Variants in COP1 observed in about 807,000 individuals in gnomAD.
The protein encoded by COP1 is COP1 E3 ubiquitin ligase, also known as E3 ubiquitin-protein ligase COP1.
In COP1, 24 loss-of-function variants were observed where a neutral mutation model predicts 101.3. The observed-to-expected ratio is 0.24, with a 90% CI of 0.17 to 0.33. The LOEUF (loss-of-function observed/expected upper bound fraction) is 0.33. COP1 is among the 10% of genes least tolerant of loss of function. COP1 has a pLI of 1.00. For missense variants in COP1, 663 were observed against 906.2 expected (o/e 0.73, Z 3.45); for synonymous variants, 347 against 341.9 (o/e 1.01, Z -0.17).
At chr1:176,093,885 T>C (rs1468564366) in intron 9 of COP1, among the ~76,000 whole-genome samples, 1 of 151,782 alleles carries the variant, frequency 6.6e-6, no homozygotes, top group Non-Finnish European at 1.5e-5. Context: ...TAGCTGGGCA[T>C]GGTGGCGCAC....
At chr1:175,967,220 C>T (rs1161349364) in intron 18 of COP1, among the ~76,000 whole-genome samples, 1 of 152,162 alleles carries the variant, frequency 6.6e-6, no homozygotes, top group African/African-American at 2.4e-5. Flanking sequence ...TAAATAAACC[C>T]AGGCTGGTAT....
At position 176,135,672 on chromosome 1, in the gene COP1, A is replaced by C. The variant is rs147950484; in HGVS notation, c.892-586T>G. ...AATAGGCCTAATCAACCATTATATA[A>C]ATTTTCTCTCTCACACTGACAACCT... On this transcript the variant is annotated intron_variant, in intron 7 of 19. Coordinates refer to ENST00000367669, the MANE Select transcript of COP1 (RefSeq NM_022457.7). 2.6e-3 allele frequency among the ~76,000 whole-genome samples: 400 copies of C among 152,152 alleles called. 3 individuals carry two copies. The highest frequency in any genetic ancestry group is 9.2e-3 in the African/African-American group (382 of 41,552).
chr1:175,988,800 T>C (rs1657738271), intron 16 of COP1: 1 of 160,306 alleles, frequency 6.2e-6, no homozygotes, highest in African/African-American at 2.4e-5. Flanking sequence ...ACCACTGCAC[T>C]CCAGCCTGGG....
intron 8 of COP1, among the ~76,000 whole-genome samples, chr1:176,128,133 T>C (rs1035058255): frequency 1.5e-4 from 23 of 152,112 alleles, no homozygotes; most frequent in African/African-American, 5.3e-4. Flanking sequence ...CATTAGCACC[T>C]AATCCAATAT....
intron 8 of COP1, among the ~76,000 whole-genome samples, chr1:176,126,468 T>G (rs990497799): frequency 1.3e-5 from 2 of 152,028 alleles, no homozygotes. Flanking sequence ...TTTCTTTTCT[T>G]TTTTTTTGAG....
In COP1 at chr1:176,043,868, G is replaced by A. The variant is rs552863277; in HGVS notation, c.1422-50C>T. ...ACTTTACATAAAAATAAATAACAAT[G>A]GGATAAAAATAATTTTAATGTGTTC... On this transcript the variant is annotated intron_variant, in intron 12 of 19. Transcript: ENST00000367669. 10 of 1,045,096 alleles carry A rather than the reference G, an allele frequency of 9.6e-6. No individual in the cohort carries two copies. The African/African-American group carries it at 1.1e-4, about 12-fold the overall frequency. The allele number at this position is 1,045,096 out of a possible 1,614,324, so 64.7% of individuals were successfully genotyped here.
chr1:176,082,746 A>C (rs1466096371), intron 10 of COP1, among the ~76,000 whole-genome samples: 3 of 152,062 alleles, frequency 2.0e-5, no homozygotes, highest in Non-Finnish European at 2.9e-5. Context: ...TGGAGGTTGC[A>C]GTGAGCCAAG....
chr1:176,071,952 TAGA>T (rs1293686834), intron 11 of COP1, among the ~76,000 whole-genome samples: 3 of 152,196 alleles, frequency 2.0e-5, no homozygotes, highest in Non-Finnish European at 2.9e-5. Context: ...AAGTCGAGAT[TAGA>T]AGAAGAAAAT....
At chr1:175,997,584 C>T (rs971788755) in intron 15 of COP1, among the ~76,000 whole-genome samples, 1 of 151,996 alleles carries the variant, frequency 6.6e-6, no homozygotes, top group East Asian at 1.9e-4. Flanking sequence ...AAAAAGTGGG[C>T]GAAGGGAATG....
intron 18 of COP1, among the ~76,000 whole-genome samples, chr1:175,952,422 CA>C (rs35585282): frequency 0.91 from 105,152 of 116,054 alleles, 47,502 homozygotes; most frequent in East Asian, 0.96. Flanking sequence ...GACTTCATCT[CA>C]AAAAAAAAAA....
chr1:176,141,193 G>A (rs1244383657), intron 6 of COP1, among the ~76,000 whole-genome samples: 2 of 152,110 alleles, frequency 1.3e-5, no homozygotes. Flanking sequence ...TTTCAATGGG[G>A]AAAAGCTGAT....
chr1:176,134,271 TA>T (rs1689442649), intron 8 of COP1, among the ~76,000 whole-genome samples: 1 of 152,046 alleles, frequency 6.6e-6, no homozygotes, highest in Admixed American at 6.6e-5. Flanking sequence ...AGAGTGGATT[TA>T]ACAAATCAAA....
At chr1:175,947,055 A>G in intron 19 of COP1, 140 bp downstream of exon 19, 1 of 678,422 alleles carries the variant, frequency 1.5e-6, no homozygotes, top group Non-Finnish European at 2.6e-6. Flanking sequence ...CTTTTCCCTT[A>G]AATCAAGCCA....
At chr1:176,062,446 C>T (rs1675039332) in intron 11 of COP1, among the ~76,000 whole-genome samples, 2 of 152,032 alleles carry the variant, frequency 1.3e-5, no homozygotes, top group African/African-American at 4.8e-5. Context: ...CCATTACATA[C>T]CCATTAATAA....
chr1:176,177,202 T>C (rs558704616), intron 2 of COP1, among the ~76,000 whole-genome samples: 156 of 152,126 alleles, frequency 1.0e-3, no homozygotes, highest in Non-Finnish European at 2.1e-3. Context: ...AGAACTGTGA[T>C]TACAGAAAAT....
chr1:176,089,363 T>C (rs529553404), intron 9 of COP1, among the ~76,000 whole-genome samples: 3 of 152,192 alleles, frequency 2.0e-5, no homozygotes, highest in Admixed American at 2.0e-4. Flanking sequence ...TAAGAGGCAA[T>C]AATATACACA....
In COP1 at chr1:176,029,288, A is replaced by G. The variant is rs144808845; in HGVS notation, c.1613-1600T>C. Among the ~76,000 whole-genome samples, 400 of 152,318 alleles carry G rather than the reference A, an allele frequency of 2.6e-3. 3 individuals carry two copies. Among genetic ancestry groups the G allele is most frequent in the African/African-American group, 9.2e-3 (381 of 41,582 alleles). On this transcript the variant is annotated intron_variant, in intron 14 of 19. Coordinates refer to ENST00000367669, the MANE Select transcript of COP1 (RefSeq NM_022457.7). Reference sequence around the variant, plus strand: ...TGCAAAATTTTGGTTTTGTATTTGAATAAGTAGTCTAAGCCAGTGATATAT... The same window carrying G: ...TGCAAAATTTTGGTTTTGTATTTGAGTAAGTAGTCTAAGCCAGTGATATAT...
At chr1:175,987,181 C>T in intron 17 of COP1, 78 bp from the exon 18 acceptor site, 1 of 728,260 alleles carries the variant, frequency 1.4e-6, no homozygotes, top group Non-Finnish European at 2.1e-6. Flanking sequence ...TAGTAATTAT[C>T]AGCCAAAGTT....
At chr1:176,078,510 T>C (rs897728738) in intron 11 of COP1, among the ~76,000 whole-genome samples, 10 of 151,870 alleles carry the variant, frequency 6.6e-5, no homozygotes, top group African/African-American at 2.4e-4. Flanking sequence ...AATCAAAACT[T>C]AAGTCTAAGA....
Sources: gnomAD v4.1 joint callset for allele counts (sites outside exome capture counted in the v4.1 genomes callset) on GRCh38, gnomAD v4.1.1 for gene constraint, MANE v1.5 for transcripts, NCBI Gene and HGNC (gene_info 2026-07-23, HGNC 2026-07-21) for gene names.